OPCML: variants seen among roughly 807,000 people sequenced by gnomAD.
OPCML encodes the protein opioid-binding protein/cell adhesion molecule.
Under a neutral mutation model 37.8 loss-of-function variants are expected in OPCML, and 13 were observed. The observed-to-expected ratio is 0.34, with a 90% CI of 0.22 to 0.55. The LOEUF (loss-of-function observed/expected upper bound fraction) is 0.55, where lower values mean the gene tolerates loss of function less well. Ranked by LOEUF, OPCML falls within the 20% of genes least tolerant of loss-of-function variation. The pLI, the probability that OPCML is intolerant of heterozygous loss-of-function variation, is 0.91. For missense variants in OPCML, 341 were observed against 435.6 expected (o/e 0.78, Z 1.93); for synonymous variants, 176 against 168.8 (o/e 1.04, Z -0.33).
rs540780457 is a variant in OPCML, at chr11:132,489,324, A to T, written c.505+39737T>A. ...CTGTGATAACAATGCCTTCTTTGGG[A>T]TCCCTCCTGAAGGACCTGTCTGAAG... On this transcript the variant is annotated intron_variant, in intron 4 of 7. Coordinates refer to ENST00000524381, the MANE Select transcript of OPCML (RefSeq NM_001012393.5). Among the ~76,000 whole-genome samples, 178 of 152,276 alleles carry T rather than the reference A, an allele frequency of 1.2e-3. 2 individuals carry two copies. The highest frequency in any genetic ancestry group is 2.0e-3 in the Non-Finnish European group (139 of 68,036).
chr11:133,457,682 G>A (rs1305875674), intron 1 of OPCML, among the ~76,000 whole-genome samples: 1 of 151,880 alleles, frequency 6.6e-6, no homozygotes, highest in Non-Finnish European at 1.5e-5. Flanking sequence ...GTCTCACTCT[G>A]TATTATAATT....
rs1020858585 is a variant in OPCML at position 132,859,097 on chromosome 11, C to T, written c.146+83829G>A. ...TCATTTCAGAATTTGCTTGGAACCACAGTTTAAAAAAATGTGAAATAAGGC... is the reference window on the plus strand; with the variant it reads ...TCATTTCAGAATTTGCTTGGAACCATAGTTTAAAAAAATGTGAAATAAGGC... On this transcript the variant is annotated intron_variant, in intron 2 of 7. Coordinates refer to ENST00000524381, the MANE Select transcript of OPCML (RefSeq NM_001012393.5). The T allele has an allele frequency of 2.8e-4, 43 of 152,222 alleles. 1 individual carries two copies. Among genetic ancestry groups the T allele is most frequent in the Admixed American group, 2.6e-3 (40 of 15,286 alleles). 9.4% of individuals were successfully genotyped at this position (152,222 alleles called of 1,614,324 possible). A position where few individuals can be genotyped will look rare whatever the true frequency, so the allele number is the denominator to read the frequency against.
intron 4 of OPCML, among the ~76,000 whole-genome samples, chr11:132,438,690 G>A (rs1477914918): frequency 1.3e-5 from 2 of 151,882 alleles, no homozygotes; most frequent in Non-Finnish European, 2.9e-5. Flanking sequence ...GTGGAGGTGG[G>A]CCAGTGTGCA....
chr11:132,975,313 G>A (rs1314177341), intron 1 of OPCML, among the ~76,000 whole-genome samples: 1 of 151,466 alleles, frequency 6.6e-6, no homozygotes, highest in Non-Finnish European at 1.5e-5. Flanking sequence ...TATGGCTATG[G>A]AAGTCCTCTC....
intron 4 of OPCML, among the ~76,000 whole-genome samples, chr11:132,515,941 T>C (rs956700251): frequency 6.6e-6 from 1 of 152,170 alleles, no homozygotes; most frequent in African/African-American, 2.4e-5. Context: ...TGGCGTAAGA[T>C]GGTAAGATCA....
chr11:132,697,207 C>A (rs889366012), intron 2 of OPCML, among the ~76,000 whole-genome samples: 3 of 152,160 alleles, frequency 2.0e-5, no homozygotes, highest in Admixed American at 6.5e-5. Flanking sequence ...TATATGTATA[C>A]ATTATGAAAT....
intron 2 of OPCML, among the ~76,000 whole-genome samples, chr11:132,895,649 A>C (rs1441144296): frequency 6.6e-6 from 1 of 152,118 alleles, no homozygotes; most frequent in Non-Finnish European, 1.5e-5. Context: ...AATTCTGATG[A>C]GTGTTATTTG....
chr11:132,576,020 T>C (rs1463109682), intron 3 of OPCML, among the ~76,000 whole-genome samples: 1 of 152,134 alleles, frequency 6.6e-6, no homozygotes, highest in Non-Finnish European at 1.5e-5. Context: ...TAACCAGTTG[T>C]TTTTTACATA....
chr11:133,296,077 T>C (rs1191376131), intron 1 of OPCML, among the ~76,000 whole-genome samples: 2 of 152,158 alleles, frequency 1.3e-5, no homozygotes, highest in Non-Finnish European at 2.9e-5. Context: ...TTTAAACTAA[T>C]AAAGAACATA....
At chr11:133,302,069 T>C (rs1213685560) in intron 1 of OPCML, 1 of 152,202 alleles carries the variant, frequency 6.6e-6, no homozygotes, top group African/African-American at 2.4e-5. Flanking sequence ...AGTTACATGA[T>C]TCTGACTATA....
At chr11:132,725,458 G>T (rs1944844376) in intron 2 of OPCML, among the ~76,000 whole-genome samples, 1 of 152,096 alleles carries the variant, frequency 6.6e-6, no homozygotes, top group African/African-American at 2.4e-5. Flanking sequence ...GTAATGGGAG[G>T]GGCTACTGCG....
At chr11:133,519,364 G>C (rs771230629) in intron 1 of OPCML, among the ~76,000 whole-genome samples, 1 of 152,150 alleles carries the variant, frequency 6.6e-6, no homozygotes, top group African/African-American at 2.4e-5. Flanking sequence ...ATAAAGTCCA[G>C]CCATAGACCT....
intron 1 of OPCML, among the ~76,000 whole-genome samples, chr11:133,090,672 A>C (rs188689159): frequency 6.6e-6 from 1 of 152,350 alleles, no homozygotes; most frequent in African/African-American, 2.4e-5. Context: ...AGAAACCTCC[A>C]AGCAAATGTT....
chr11:132,573,852 T>TGGACCTGG (rs2137582396), intron 3 of OPCML, among the ~76,000 whole-genome samples: 1 of 152,150 alleles, frequency 6.6e-6, no homozygotes, highest in African/African-American at 2.4e-5. Flanking sequence ...TGAAGCCATC[T>TGGACCTGG]GGACCTGGGC....
At chr11:133,440,422 A>C (rs1330187469) in intron 1 of OPCML, among the ~76,000 whole-genome samples, 20 of 150,476 alleles carry the variant, frequency 1.3e-4, no homozygotes, top group African/African-American at 4.7e-4. Context: ...AAAGAAAGAA[A>C]GAAATGATTA....
At chr11:132,831,049 G>A (rs10894616) in intron 2 of OPCML, among the ~76,000 whole-genome samples, 2,471 of 151,346 alleles carry the variant, frequency 0.016, 27 homozygotes, top group Middle Eastern at 0.037. Context: ...CTGAGCTACC[G>A]TCATACACTC....
At chr11:132,989,723 T>C (rs1382631081) in intron 1 of OPCML, among the ~76,000 whole-genome samples, 3 of 151,796 alleles carry the variant, frequency 2.0e-5, no homozygotes, top group Admixed American at 2.0e-4. Context: ...GGCTCAAACA[T>C]AGAATACTGA....
chr11:132,657,092 A>G lies in OPCML; in HGVS notation c.374T>C (p.Val125Ala). The G allele has an allele frequency of 6.2e-7, 1 of 1,614,102 alleles. No individual in the cohort carries two copies. The highest frequency in any genetic ancestry group is 8.5e-7 in the Non-Finnish European group (1 of 1,179,940). ...HPKTSRVHLI[V>A]QVPPQIMNIS... ...CAGATCCAGCTGGGACTTACCTTGC[A>G]CTATTAGGTGAACCCGGGACGTTTT... The change falls in exon 3 of 8, where the codon GTG (valine) becomes GCG (alanine). Residue 125 changes from valine (V) to alanine (A), a missense_variant. Val to Ala is a moderately conservative substitution (Grantham distance 64, BLOSUM62 0). Transcript: ENST00000524381.
chr11:133,099,508 C>G (rs888802121), intron 1 of OPCML, among the ~76,000 whole-genome samples: 4 of 144,894 alleles, frequency 2.8e-5, no homozygotes, highest in Admixed American at 1.4e-4. Flanking sequence ...AGGATGGTCT[C>G]GATCTCCTGG....
Sources: gnomAD v4.1 joint callset for allele counts (sites outside exome capture counted in the v4.1 genomes callset) on GRCh38, gnomAD v4.1.1 for gene constraint, MANE v1.5 for transcripts, NCBI Gene and HGNC (gene_info 2026-07-23, HGNC 2026-07-21) for gene names.